Variants in SLC16A7 observed in about 807,000 individuals in gnomAD.
SLC16A7 encodes solute carrier family 16 member 7.
In SLC16A7, 33 loss-of-function variants were observed where a neutral mutation model predicts 34.9. That is an observed-to-expected ratio of 0.94 (90% confidence interval 0.72 to 1.26). SLC16A7 has a LOEUF of 1.26. Among genes scored for constraint, SLC16A7 ranks in the 50% most tolerant of loss-of-function variants. The pLI is 0.00. For synonymous variants in SLC16A7, 201 were observed against 206.6 expected, an observed-to-expected ratio of 0.97 and a Z score of 0.23; for missense variants, 573 against 578.1, an observed-to-expected ratio of 0.99 and a Z score of 0.09.
rs546974977 is a variant in SLC16A7 at position 59,733,677 on chromosome 12, C to T, written c.217+28659C>T. ...ACATGGCAATCCCGGAGTGTTTCAG[C>T]CCTGGTTATGTTACAACTGTTTCAG... is the stretch of plus-strand genomic sequence containing the variant. On this transcript the variant is annotated intron_variant, in intron 3 of 5. Coordinates refer to ENST00000547379, the MANE Select transcript of SLC16A7 (RefSeq NM_001270623.2). 335 of 455,476 alleles carry T rather than the reference C, an allele frequency of 7.4e-4. 1 individual carries two copies. Among genetic ancestry groups the T allele is most frequent in the Non-Finnish European group, 1.3e-3 (295 of 226,692 alleles). 28.2% of individuals were successfully genotyped at this position (455,476 alleles called of 1,614,324 possible).
chr12:59,684,255 G>C (rs1039831214), intron 2 of SLC16A7, among the ~76,000 whole-genome samples: 2 of 152,164 alleles, frequency 1.3e-5, no homozygotes, highest in Admixed American at 6.5e-5. Flanking sequence ...TAAAAATAAA[G>C]TGTGAAAATT....
Position 59,781,525 on chromosome 12 carries a change from A to G in SLC16A7, c.*1846A>G, listed in dbSNP as rs1175093466. On this transcript the variant is annotated 3_prime_UTR_variant, in exon 6 of 6. Transcript: ENST00000547379. ...TATATAAAATTCAGTTTTTCATTTA[A>G]CATTTGCTCTTTTGCATATGAAGAG... 6.6e-6 allele frequency: 1 copy of G among 152,562 alleles called. No homozygotes were observed. Among genetic ancestry groups the G allele is most frequent in the Non-Finnish European group, 1.5e-5 (1 of 68,016 alleles). The allele number at this position is 152,562 out of a possible 1,614,324, so 9.5% of individuals were successfully genotyped here.
chr12:59,683,506 A>G (rs1870910083), intron 2 of SLC16A7, among the ~76,000 whole-genome samples: 1 of 152,336 alleles, frequency 6.6e-6, no homozygotes, highest in Non-Finnish European at 1.5e-5. Flanking sequence ...AAGAAGATGC[A>G]TTCAAGAGCT....
intron 1 of SLC16A7, among the ~76,000 whole-genome samples, chr12:59,609,035 A>G (rs1237302179): frequency 6.6e-6 from 1 of 152,192 alleles, no homozygotes; most frequent in African/African-American, 2.4e-5. Flanking sequence ...TACCCTCTGA[A>G]GGTTTGCTGA....
intron 3 of SLC16A7, among the ~76,000 whole-genome samples, chr12:59,733,555 C>T (rs1877213680): frequency 6.6e-6 from 1 of 152,154 alleles, no homozygotes; most frequent in African/African-American, 2.4e-5. Context: ...TGCCAGGAGA[C>T]ACAGAGCCCC....
intron 3 of SLC16A7, among the ~76,000 whole-genome samples, chr12:59,728,721 T>C (rs112582714): frequency 3.0e-4 from 46 of 152,294 alleles, no homozygotes; most frequent in African/African-American, 1.1e-3. Flanking sequence ...CAAGATCTTT[T>C]CTCTTAAAAA....
intron 3 of SLC16A7, among the ~76,000 whole-genome samples, chr12:59,737,295 T>C (rs2244244): frequency 0.12 from 18,672 of 152,262 alleles, 1,498 homozygotes; most frequent in African/African-American, 0.22. Context: ...AAATCATTGA[T>C]GAATTAAAAT....
chr12:59,722,456 G>C (rs545076569), intron 3 of SLC16A7, among the ~76,000 whole-genome samples: 8 of 151,682 alleles, frequency 5.3e-5, no homozygotes, highest in African/African-American at 1.9e-4. Flanking sequence ...AATCATGTCC[G>C]AGCCTACCTA....
intron 2 of SLC16A7, among the ~76,000 whole-genome samples, chr12:59,672,032 G>A (rs1345923919): frequency 0.97 from 333 of 344 alleles, 164 homozygotes; most frequent in South Asian, 1. Context: ...TGTATATATC[G>A]CATATATCCG....
intron 1 of SLC16A7, among the ~76,000 whole-genome samples, chr12:59,634,360 G>GT (rs1164639036): frequency 6.6e-6 from 1 of 152,064 alleles, no homozygotes; most frequent in Non-Finnish European, 1.5e-5. Flanking sequence ...TTAAAGCTTG[G>GT]TAAGAAAGAC....
chr12:59,754,266 C>A (rs1056105568), intron 3 of SLC16A7, among the ~76,000 whole-genome samples: 1 of 151,944 alleles, frequency 6.6e-6, no homozygotes, highest in Non-Finnish European at 1.5e-5. Flanking sequence ...CAGAGCAGAA[C>A]TGAAGGAAAT....
intron 3 of SLC16A7, among the ~76,000 whole-genome samples, chr12:59,760,369 G>A (rs1020481643): frequency 1.3e-5 from 2 of 151,986 alleles, no homozygotes; most frequent in African/African-American, 2.4e-5. Context: ...GCAGGGCTCT[G>A]GAGATTAAGC....
intron 3 of SLC16A7, among the ~76,000 whole-genome samples, chr12:59,738,115 C>T (rs1488031107): frequency 6.6e-6 from 1 of 152,132 alleles, no homozygotes; most frequent in Non-Finnish European, 1.5e-5. Context: ...AAAATGTATT[C>T]ACATCAACTC....
chr12:59,676,181 A>G (rs186429367), intron 2 of SLC16A7, among the ~76,000 whole-genome samples: 2 of 152,262 alleles, frequency 1.3e-5, no homozygotes, highest in South Asian at 2.1e-4. Context: ...GATGTTCTCA[A>G]TGACTAACAT....
chr12:59,635,778 T>C (rs535275956), intron 1 of SLC16A7, among the ~76,000 whole-genome samples: 161 of 152,120 alleles, frequency 1.1e-3, no homozygotes, highest in African/African-American at 3.3e-3. Flanking sequence ...GAAAAAAATA[T>C]TCCTTCTTCT....
chr12:59,771,461 TA>T, intron 4 of SLC16A7, 99 bp downstream of exon 4: 5 of 862,976 alleles, frequency 5.8e-6, no homozygotes, highest in Non-Finnish European at 6.6e-6. Flanking sequence ...TCTTTGAATT[TA>T]TTTTTTTATA....
At chr12:59,627,154 G>A (rs1374611021) in intron 1 of SLC16A7, among the ~76,000 whole-genome samples, 3 of 151,720 alleles carry the variant, frequency 2.0e-5, no homozygotes, top group African/African-American at 4.8e-5. Context: ...CTTACAATGT[G>A]CTACGCTTTA....
intron 2 of SLC16A7, among the ~76,000 whole-genome samples, chr12:59,664,181 A>G (rs1395490207): frequency 6.6e-6 from 1 of 152,126 alleles, no homozygotes; most frequent in Non-Finnish European, 1.5e-5. Flanking sequence ...ATCATGTATC[A>G]TTTAGAGAAT....
chr12:59,744,161 C>G lies in SLC16A7; in HGVS notation c.218-27058C>G, dbSNP rs576490869. Reference sequence around the variant, plus strand: ...AGTCCCCTGGCAAGTGCCCCACCCTCAAGCCTGGAACAGCAGCCCAAAATG... The same window carrying G: ...AGTCCCCTGGCAAGTGCCCCACCCTGAAGCCTGGAACAGCAGCCCAAAATG... On this transcript the variant is annotated intron_variant, in intron 3 of 5. Coordinates refer to ENST00000547379, the MANE Select transcript of SLC16A7 (RefSeq NM_001270623.2). 2.0e-3 allele frequency among the ~76,000 whole-genome samples: 304 copies of G among 152,330 alleles called. 1 individual carries two copies. The highest frequency in any genetic ancestry group is 7.1e-3 in the African/African-American group (294 of 41,574).
Sources: gnomAD v4.1 joint callset for allele counts (sites outside exome capture counted in the v4.1 genomes callset) on GRCh38, gnomAD v4.1.1 for gene constraint, MANE v1.5 for transcripts, NCBI Gene and HGNC (gene_info 2026-07-23, HGNC 2026-07-21) for gene names.